The following ENPP2 variants were observed in gnomAD, a reference collection of about 807,000 sequenced individuals.
ENPP2 encodes the protein autotaxin.
A neutral mutation model predicts 120.2 loss-of-function variants in ENPP2; 51 were observed. The observed-to-expected ratio is 0.42, with a 90% confidence interval of 0.34 to 0.54. The LOEUF (loss-of-function observed/expected upper bound fraction) is 0.54. Among genes scored for constraint, ENPP2 ranks in the 20% least tolerant of loss-of-function variants. The pLI, the probability that ENPP2 is intolerant of heterozygous loss-of-function variation, is 0.04. For missense variants in ENPP2, 920 were observed against 1,066.5 expected, an observed-to-expected ratio of 0.86 and a Z score of 1.91; for synonymous variants, 365 against 366.4, an observed-to-expected ratio of 1.00 and a Z score of 0.04.
At chr8:119,574,714 T>C (rs552547436) in intron 19 of ENPP2, among the ~76,000 whole-genome samples, 1 of 152,210 alleles carries the variant, frequency 6.6e-6, no homozygotes, top group African/African-American at 2.4e-5. Flanking sequence ...TGAAAATCTC[T>C]CCTCTTTTTT....
At chr8:119,607,252 C>T (rs540079738) in intron 9 of ENPP2, among the ~76,000 whole-genome samples, 17 of 152,202 alleles carry the variant, frequency 1.1e-4, no homozygotes, top group Non-Finnish European at 1.5e-4. Context: ...AAAATGATAA[C>T]GACAGCCACT....
chr8:119,603,944 C>T (rs114318817), intron 9 of ENPP2, among the ~76,000 whole-genome samples: 2,277 of 151,400 alleles, frequency 0.015, 38 homozygotes, highest in African/African-American at 0.043. Flanking sequence ...AGTAGCCATC[C>T]TACCTCTGAC....
intron 2 of ENPP2, 145 bp downstream of exon 2, chr8:119,638,280 A>G: frequency 1.7e-6 from 1 of 575,952 alleles, no homozygotes; most frequent in Admixed American, 3.0e-5. Flanking sequence ...TTATACACAT[A>G]GGTGGTTTTA....
intron 8 of ENPP2, among the ~76,000 whole-genome samples, chr8:119,612,481 C>T (rs1444831527): frequency 6.6e-6 from 1 of 152,198 alleles, no homozygotes; most frequent in African/African-American, 2.4e-5. Context: ...CTTAAACACA[C>T]ATTTCTTGCA....
At chr8:119,595,047 C>T (rs967327483) in intron 11 of ENPP2, among the ~76,000 whole-genome samples, 1 of 152,138 alleles carries the variant, frequency 6.6e-6, no homozygotes, top group Admixed American at 6.5e-5. Flanking sequence ...AAGGGACTAA[C>T]GGGTGTGGAA....
At chr8:119,644,099 A>C (rs1380479654) in intron 1 of ENPP2, among the ~76,000 whole-genome samples, 1 of 152,074 alleles carries the variant, frequency 6.6e-6, no homozygotes, top group African/African-American at 2.4e-5. Context: ...GTTAGGTGAT[A>C]TTGTCTTTAC....
intron 20 of ENPP2, 22 bp downstream of exon 20, chr8:119,570,682 TA>T: frequency 7.2e-7 from 1 of 1,396,798 alleles, no homozygotes; most frequent in Non-Finnish European, 9.7e-7. Context: ...ATAAAAAATA[TA>T]AAATCCAATT....
chr8:119,618,244 G>T, intron 5 of ENPP2: 1 of 485,378 alleles, frequency 2.1e-6, no homozygotes, highest in South Asian at 1.5e-5. Context: ...TTTTTGTTCC[G>T]GGGATGTGCT....
chr8:119,642,197 G>A (rs1054154802), upstream of ENPP2, among the ~76,000 whole-genome samples: 1 of 151,998 alleles, frequency 6.6e-6, no homozygotes, highest in East Asian at 1.9e-4. Flanking sequence ...ATACTCTTTT[G>A]AATACCCATT....
chr8:119,561,825 G>A (rs1214835669), intron 24 of ENPP2, among the ~76,000 whole-genome samples: 1 of 152,066 alleles, frequency 6.6e-6, no homozygotes, highest in East Asian at 1.9e-4. Flanking sequence ...TTGTGTGTGT[G>A]TGTGTATGTG....
chr8:119,649,105 C>T (rs1817553685), intron 1 of ENPP2, among the ~76,000 whole-genome samples: 1 of 151,784 alleles, frequency 6.6e-6, no homozygotes, highest in African/African-American at 2.4e-5. Context: ...AAGAAAATTG[C>T]ATTTATGGCC....
At chr8:119,583,339 G>A (rs1459635302) in intron 17 of ENPP2, among the ~76,000 whole-genome samples, 4 of 152,200 alleles carry the variant, frequency 2.6e-5, no homozygotes, top group Non-Finnish European at 5.9e-5. Flanking sequence ...ATAAATAGCT[G>A]GCCAGGATGC....
rs375904883 is a variant in ENPP2, at chr8:119,626,562, T to C, written c.292+3A>G. On this transcript the variant is annotated splice_donor_region_variant and intron_variant, in intron 3 of 24. Coordinates refer to ENST00000075322, the MANE Select transcript of ENPP2 (RefSeq NM_001040092.3). Reference sequence around the variant, plus strand: ...AGGTAGAGAGGACTCATAAGTTACGTACCTGTCTTCAAACACAGCTCATCA... The same window carrying C: ...AGGTAGAGAGGACTCATAAGTTACGCACCTGTCTTCAAACACAGCTCATCA... The C allele has an allele frequency of 3.1e-6, 5 of 1,613,316 alleles. No individual in the cohort carries two copies. Among genetic ancestry groups the C allele is most frequent in the Non-Finnish European group, 4.2e-6 (5 of 1,179,398 alleles).
chr8:119,585,545 G>C (rs1168987432), intron 15 of ENPP2, among the ~76,000 whole-genome samples: 2 of 152,154 alleles, frequency 1.3e-5, no homozygotes, highest in Admixed American at 6.5e-5. Context: ...GAGCAAGAGT[G>C]AGTGGGAACA....
rs190803653 is a variant in ENPP2, at chr8:119,618,106, G to A, written c.480-543C>T. On this transcript the variant is annotated intron_variant, in intron 5 of 24. Coordinates refer to ENST00000075322, the MANE Select transcript of ENPP2 (RefSeq NM_001040092.3). ...TGAGATCTGTTAAGGTACAGATTAA[G>A]AAGTCATGAAACATTTCTGTTTTGT... The A allele has an allele frequency of 5.3e-4, 183 of 343,436 alleles. 1 individual carries two copies. In the East Asian group the frequency reaches 7.7e-3, roughly 14 times the overall value. The allele number at this position is 343,436 out of a possible 1,614,324, so 21.3% of individuals were successfully genotyped here.
intron 1 of ENPP2, among the ~76,000 whole-genome samples, chr8:119,644,278 C>A (rs929925061): frequency 3.3e-5 from 5 of 151,816 alleles, no homozygotes; most frequent in African/African-American, 4.8e-5. Context: ...ATCATGACAG[C>A]TTACACAGAG....
At chr8:119,583,916 A>G in intron 16 of ENPP2, 46 bp downstream of exon 16, 1 of 1,499,448 alleles carries the variant, frequency 6.7e-7, no homozygotes, top group Non-Finnish European at 9.3e-7. Flanking sequence ...TATCCTTTCG[A>G]AGAACCACTA....
intron 1 of ENPP2, among the ~76,000 whole-genome samples, chr8:119,667,766 AC>A (rs1349703673): frequency 6.6e-6 from 1 of 151,922 alleles, no homozygotes; most frequent in Non-Finnish European, 1.5e-5. Flanking sequence ...TCTTTCCAAG[AC>A]CCCAAACCGA....
At chr8:119,615,354 T>C (rs1815386722) in intron 8 of ENPP2, among the ~76,000 whole-genome samples, 1 of 152,164 alleles carries the variant, frequency 6.6e-6, no homozygotes, top group Non-Finnish European at 1.5e-5. Context: ...GTTATGTTCC[T>C]AGGTGATTCT....
Sources: gnomAD v4.1 joint callset for allele counts (sites outside exome capture counted in the v4.1 genomes callset) on GRCh38, gnomAD v4.1.1 for gene constraint, MANE v1.5 for transcripts, NCBI Gene and HGNC (gene_info 2026-07-23, HGNC 2026-07-21) for gene names.